The following ZPBP variants were observed in gnomAD, a reference collection of about 807,000 sequenced individuals.
ZPBP encodes zona pellucida binding protein, also known as zona pellucida-binding protein 1.
In ZPBP, 26 loss-of-function variants were observed where a neutral mutation model predicts 44.8. That is an observed-to-expected ratio of 0.58 (90% CI 0.43 to 0.81). The LOEUF (loss-of-function observed/expected upper bound fraction) is 0.81, where lower values mean the gene tolerates loss of function less well. Ranked by LOEUF, ZPBP falls within the 30% of genes least tolerant of loss-of-function variation. The pLI is 0.00. For missense variants in ZPBP, 409 were observed against 434.0 expected (o/e 0.94, Z 0.51); for synonymous variants, 174 against 153.2 (o/e 1.14, Z -1.00).
chr7:49,888,882 G>A (rs1792012434), intron 2 of ZPBP, among the ~76,000 whole-genome samples: 1 of 152,082 alleles, frequency 6.6e-6, no homozygotes, highest in Non-Finnish European at 1.5e-5. Context: ...TCACAGTCTA[G>A]CCTGGGGGAC....
In ZPBP at chr7:49,977,101, CTAAA is replaced by C. The variant is rs376730870; in HGVS notation, c.961+6237_961+6240del. On this transcript the variant is annotated intron_variant, in intron 7 of 7. Transcript: ENST00000046087. ...TGGGCGACAGAGCAAGACTCCGTCT[CTAAA>C]TAAATAAATAAATAAATAAATAAAT... Among the ~76,000 whole-genome samples, 270 of 138,534 alleles carry C rather than the reference CTAAA, an allele frequency of 1.9e-3. 2 individuals carry two copies. Among genetic ancestry groups the C allele is most frequent in the African/African-American group, 5.5e-3 (197 of 36,060 alleles). 90.9% of individuals were successfully genotyped at this position (138,534 alleles called of 152,430 possible).
chr7:49,997,182 T>C (rs943361440), intron 6 of ZPBP, among the ~76,000 whole-genome samples: 1 of 152,206 alleles, frequency 6.6e-6, no homozygotes, highest in African/African-American at 2.4e-5. Flanking sequence ...CCCTAAACCT[T>C]TGAATTCCTT....
chr7:49,895,877 T>C (rs1355368729), intron 2 of ZPBP, among the ~76,000 whole-genome samples: 1 of 152,194 alleles, frequency 6.6e-6, no homozygotes, highest in Non-Finnish European at 1.5e-5. Context: ...GTTACTTGCA[T>C]TGAGTAATTA....
chr7:50,066,938 G>A (rs575134136), intron 3 of ZPBP, among the ~76,000 whole-genome samples: 12 of 152,284 alleles, frequency 7.9e-5, no homozygotes, highest in East Asian at 3.9e-4. Flanking sequence ...CACTACTGCC[G>A]CTGATTTTAG....
intron 6 of ZPBP, among the ~76,000 whole-genome samples, chr7:49,996,382 A>T (rs1313621669): frequency 6.6e-6 from 1 of 152,036 alleles, no homozygotes; most frequent in Admixed American, 6.6e-5. Flanking sequence ...TGACTACCCG[A>T]CCTCCACACA....
chr7:49,902,960 AC>A (rs1477564333), intron 1 of ZPBP, among the ~76,000 whole-genome samples: 1 of 152,172 alleles, frequency 6.6e-6, no homozygotes, highest in African/African-American at 2.4e-5. Flanking sequence ...TAGGCAAAAT[AC>A]ATGAAGAGTC....
At chr7:50,062,222 T>A (rs1010919166) in intron 3 of ZPBP, among the ~76,000 whole-genome samples, 3 of 152,150 alleles carry the variant, frequency 2.0e-5, no homozygotes, top group African/African-American at 7.2e-5. Flanking sequence ...GTAGAAAGAA[T>A]CAATATTGTT....
intron 7 of ZPBP, chr7:49,943,674 T>C (rs1040350342): frequency 8.5e-5 from 25 of 295,716 alleles, no homozygotes; most frequent in African/African-American, 5.4e-4. Context: ...ATTTGTTATG[T>C]ACAAACATAA....
chr7:50,025,721 A>G (rs1345584861), intron 5 of ZPBP, among the ~76,000 whole-genome samples: 3 of 151,890 alleles, frequency 2.0e-5, no homozygotes, highest in African/African-American at 4.8e-5. Flanking sequence ...ATGACTTTTT[A>G]CATACAAATT....
At chr7:49,917,112 C>T (rs926158044) in intron 1 of ZPBP, 3 of 152,148 alleles carry the variant, frequency 2.0e-5, no homozygotes, top group Non-Finnish European at 2.9e-5. Flanking sequence ...AATCTTTCTA[C>T]ATAACATAAT....
chr7:49,998,911 C>T (rs914498297), intron 6 of ZPBP, among the ~76,000 whole-genome samples: 1 of 151,854 alleles, frequency 6.6e-6, no homozygotes, highest in Non-Finnish European at 1.5e-5. Flanking sequence ...CACACACAAA[C>T]ACACACACAC....
At chr7:49,859,247 G>A (rs758772371) in intron 2 of ZPBP, among the ~76,000 whole-genome samples, 14 of 152,164 alleles carry the variant, frequency 9.2e-5, no homozygotes, top group Non-Finnish European at 1.9e-4. Flanking sequence ...ACCATTTGGG[G>A]GGTTCTTCTT....
intron 2 of ZPBP, among the ~76,000 whole-genome samples, chr7:49,898,738 GA>G (rs2128734173): frequency 6.6e-6 from 1 of 152,148 alleles, no homozygotes; most frequent in Admixed American, 6.5e-5. Context: ...GTTATTATAA[GA>G]TACTCTCATT....
chr7:49,869,925 T>G (rs1791070053), intron 2 of ZPBP, among the ~76,000 whole-genome samples: 2 of 152,216 alleles, frequency 1.3e-5, no homozygotes, highest in African/African-American at 4.8e-5. Flanking sequence ...AAGGAATGAC[T>G]ACTTGATATA....
chr7:50,015,366 C>A (rs1040824674), intron 6 of ZPBP, among the ~76,000 whole-genome samples: 77 of 151,986 alleles, frequency 5.1e-4, no homozygotes, highest in African/African-American at 1.9e-3. Context: ...AATTGCCTTT[C>A]AGTAGAAAAG....
chr7:50,047,394 A>G (rs1800426613), intron 4 of ZPBP, among the ~76,000 whole-genome samples: 1 of 152,128 alleles, frequency 6.6e-6, no homozygotes, highest in South Asian at 2.1e-4. Context: ...ATATTAAAGG[A>G]CAATACCAAA....
intron 7 of ZPBP, among the ~76,000 whole-genome samples, chr7:49,968,169 T>TA (rs1478098696): frequency 3.3e-5 from 5 of 151,734 alleles, no homozygotes; most frequent in South Asian, 4.2e-4. Context: ...GTAAAAGAAC[T>TA]AAAAAAAGAA....
At position 50,069,245 on chromosome 7, in the gene ZPBP, T is replaced by C. The variant is rs1331185259; in HGVS notation, c.335-11104A>G. Reference sequence around the variant, plus strand: ...GAGGAGGGGTCTCTATTCCCTACTGTGGTTCTTGCAAAACTGGTTTTTCTG... The same window carrying C: ...GAGGAGGGGTCTCTATTCCCTACTGCGGTTCTTGCAAAACTGGTTTTTCTG... On this transcript the variant is annotated intron_variant, in intron 3 of 7. Transcript: ENST00000046087. 2.6e-5 allele frequency among the ~76,000 whole-genome samples: 4 copies of C among 152,192 alleles called. 1 individual carries two copies. The highest frequency in any genetic ancestry group is 5.9e-5 in the Non-Finnish European group (4 of 68,024).
chr7:50,057,034 A>C (rs1012281782), intron 4 of ZPBP, among the ~76,000 whole-genome samples: 3 of 151,898 alleles, frequency 2.0e-5, no homozygotes, highest in African/African-American at 7.3e-5. Flanking sequence ...AAATACAAAA[A>C]ATTAGCCAGG....
Sources: allele counts gnomAD v4.1 joint callset (sites outside exome capture counted in the v4.1 genomes callset), GRCh38; gene constraint gnomAD v4.1.1; transcripts MANE v1.5; gene names NCBI Gene and HGNC (gene_info 2026-07-23, HGNC 2026-07-21).